Variants in TMEM154 observed in about 807,000 individuals in gnomAD.
TMEM154 encodes transmembrane protein 154.
Under a neutral mutation model 24.5 loss-of-function variants are expected in TMEM154, and 27 were observed. The ratio of observed to expected loss-of-function variants is 1.10; its 90% CI spans 0.81 to 1.52. TMEM154 has a LOEUF of 1.52. Among genes scored for constraint, TMEM154 ranks in the 40% most tolerant of loss-of-function variants. The pLI is 0.00. For synonymous variants in TMEM154, 67 were observed against 76.8 expected (o/e 0.87, Z 0.67); for missense variants, 228 against 213.4 (o/e 1.07, Z -0.43).
Position 152,679,858 on chromosome 4 carries a change from G to C in TMEM154, c.64+12C>G. On this transcript the variant is annotated intron_variant, in intron 1 of 6. Coordinates refer to ENST00000304385, the MANE Select transcript of TMEM154 (RefSeq NM_152680.3). ...TCCTCCTTCCCAGGAGTAGGAAGTG[G>C]AGGCGGCTTACCCCGGCCGACGGGA... The C allele has an allele frequency of 1.9e-6, 3 of 1,604,634 alleles. No homozygotes were observed. The highest frequency in any genetic ancestry group is 2.5e-6 in the Non-Finnish European group (3 of 1,176,512).
intron 5 of TMEM154, chr4:152,641,547 TAGTG>T (rs1348254855): frequency 1.3e-5 from 2 of 152,316 alleles, no homozygotes; most frequent in African/African-American, 2.4e-5. Context: ...TTTCTGGTTT[TAGTG>T]AGTATGACAG....
chr4:152,655,495 C>G (rs531075348), intron 1 of TMEM154, among the ~76,000 whole-genome samples: 1 of 152,180 alleles, frequency 6.6e-6, no homozygotes. Flanking sequence ...GCCCAGCCCC[C>G]ACCAGACTGT....
At chr4:152,679,388 T>C (rs961988131) in intron 1 of TMEM154, among the ~76,000 whole-genome samples, 2 of 151,590 alleles carry the variant, frequency 1.3e-5, no homozygotes, top group African/African-American at 4.9e-5. Flanking sequence ...TTTTTTTTTT[T>C]AAGTTTATGT....
At chr4:152,677,956 C>T (rs896721583) in intron 1 of TMEM154, among the ~76,000 whole-genome samples, 1 of 152,136 alleles carries the variant, frequency 6.6e-6, no homozygotes. Flanking sequence ...AAGTGATTAG[C>T]AGAAGTTTAG....
intron 6 of TMEM154, among the ~76,000 whole-genome samples, chr4:152,637,681 G>A (rs989477447): frequency 6.6e-6 from 1 of 152,020 alleles, no homozygotes; most frequent in African/African-American, 2.4e-5. Flanking sequence ...GAGAGCTAAA[G>A]TGACTTGTTT....
At chr4:152,632,976 A>G (rs1453853416) in intron 6 of TMEM154, among the ~76,000 whole-genome samples, 1 of 152,060 alleles carries the variant, frequency 6.6e-6, no homozygotes, top group African/African-American at 2.4e-5. Context: ...CAGACACATG[A>G]ATGAATGTTA....
intron 1 of TMEM154, chr4:152,669,015 A>G (rs1177276701): frequency 1.3e-5 from 2 of 152,138 alleles, no homozygotes; most frequent in South Asian, 2.1e-4. Flanking sequence ...GAATTTTCCT[A>G]TCGTGGCTGG....
chr4:152,662,814 G>A (rs1728639755), intron 1 of TMEM154, among the ~76,000 whole-genome samples: 1 of 152,172 alleles, frequency 6.6e-6, no homozygotes, highest in Admixed American at 6.5e-5. Flanking sequence ...AGCCACTGTG[G>A]AGGAAGGCAG....
Position 152,676,573 on chromosome 4 carries a change from A to G in TMEM154, c.64+3297T>C, listed in dbSNP as rs926048876. Among the ~76,000 whole-genome samples the G allele has an allele frequency of 5.3e-5, 8 of 152,224 alleles. 1 individual carries two copies. Among genetic ancestry groups the G allele is most frequent in the Non-Finnish European group, 1.0e-4 (7 of 68,044 alleles). ...TTCTGAGAATTAAATGAGTTAGTGA[A>G]TGTAGCATTTAGAATAGTGCCTGAC... On this transcript the variant is annotated intron_variant, in intron 1 of 6. Coordinates refer to ENST00000304385, the MANE Select transcript of TMEM154 (RefSeq NM_152680.3).
intron 3 of TMEM154, chr4:152,647,339 T>C: frequency 1.0e-6 from 1 of 984,670 alleles, no homozygotes. Context: ...TGAAAAAAAA[T>C]CAAATTTTGC....
intron 6 of TMEM154, among the ~76,000 whole-genome samples, chr4:152,636,935 T>G (rs1046867089): frequency 1.3e-5 from 2 of 152,230 alleles, no homozygotes; most frequent in African/African-American, 4.8e-5. Flanking sequence ...AGCATTAAAT[T>G]CACCTGTATA....
chr4:152,638,093 G>A (rs1752184639), intron 6 of TMEM154, among the ~76,000 whole-genome samples: 1 of 152,100 alleles, frequency 6.6e-6, no homozygotes, highest in Admixed American at 6.5e-5. Flanking sequence ...AGGAGACCCT[G>A]TCACCACAAT....
chr4:152,647,838 G>A (rs1015791773), intron 3 of TMEM154, among the ~76,000 whole-genome samples: 1 of 152,120 alleles, frequency 6.6e-6, no homozygotes, highest in African/African-American at 2.4e-5. Context: ...TATGAGGTGG[G>A]TATTGAATTT....
chr4:152,665,280 C>G (rs1728696420), intron 1 of TMEM154, among the ~76,000 whole-genome samples: 3 of 152,150 alleles, frequency 2.0e-5, no homozygotes, highest in Admixed American at 2.0e-4. Flanking sequence ...CTCCTTGTGG[C>G]TCCAGGACGC....
chr4:152,670,226 G>A (rs963094837), intron 1 of TMEM154: 6 of 152,220 alleles, frequency 3.9e-5, no homozygotes, highest in African/African-American at 1.2e-4. Context: ...CTCCAGGAAG[G>A]CTGGCGGGGG....
chr4:152,633,988 C>T (rs1579509846), intron 6 of TMEM154, among the ~76,000 whole-genome samples: 2 of 137,120 alleles, frequency 1.5e-5, no homozygotes, highest in African/African-American at 5.6e-5. Context: ...GAGATCACAC[C>T]ACTGCACTCT....
At chr4:152,679,849 T>G (rs774367723) in intron 1 of TMEM154, 21 bp downstream of exon 1, 1 of 1,600,620 alleles carries the variant, frequency 6.2e-7, no homozygotes, top group Non-Finnish European at 8.5e-7. Flanking sequence ...TTCCCAGGAG[T>G]AGGAAGTGGA....
intron 1 of TMEM154, among the ~76,000 whole-genome samples, chr4:152,656,862 G>A (rs866885911): frequency 1.5e-4 from 23 of 151,496 alleles, no homozygotes; most frequent in Non-Finnish European, 2.7e-4. Context: ...TGGAGGTTGC[G>A]GTGAGCCAAG....
At chr4:152,659,566 C>A (rs77400902) in intron 1 of TMEM154, among the ~76,000 whole-genome samples, 7,118 of 152,198 alleles carry the variant, frequency 0.047, 206 homozygotes, top group East Asian at 0.072. Flanking sequence ...GTGATGGATA[C>A]CCCAAATACA....
Sources: allele counts gnomAD v4.1 joint callset (sites outside exome capture counted in the v4.1 genomes callset), GRCh38; gene constraint gnomAD v4.1.1; transcripts MANE v1.5; gene names NCBI Gene and HGNC (gene_info 2026-07-23, HGNC 2026-07-21).